The following TPR variants were observed in gnomAD, a reference collection of about 807,000 sequenced individuals.
The protein encoded by TPR is nucleoprotein TPR.
TPR carries 51 observed loss-of-function variants against 316.1 expected under a neutral mutation model. The observed-to-expected ratio is 0.16, with a 90% confidence interval of 0.13 to 0.20. The LOEUF is 0.20. Among genes scored for constraint, TPR ranks in the 10% least tolerant of loss-of-function variants. The pLI, the probability that TPR is intolerant of heterozygous loss-of-function variation, is 1.00. For missense variants in TPR, 2,272 were observed against 2,754.8 expected (o/e 0.82, Z 3.92); for synonymous variants, 981 against 914.7 (o/e 1.07, Z -1.31).
chr1:186,344,276 GGGTGA>G, intron 25 of TPR, 94 bp downstream of exon 25: 1 of 1,445,312 alleles, frequency 6.9e-7, no homozygotes, highest in Non-Finnish European at 9.4e-7. Context: ...ACTCCAGCAT[GGGTGA>G]CAGAGCGAGG....
At chr1:186,331,681 A>G (rs1658171306) in intron 38 of TPR, 100 bp from the exon 39 acceptor site, 3 of 661,630 alleles carry the variant, frequency 4.5e-6, no homozygotes, top group East Asian at 3.2e-5. Context: ...CTTCAAATCT[A>G]TATTTTATGA....
At chr1:186,344,251 A>C in intron 25 of TPR, 124 bp downstream of exon 25, 2 of 1,352,814 alleles carry the variant, frequency 1.5e-6, no homozygotes, top group Middle Eastern at 1.9e-4. Context: ...AGTGACCCCA[A>C]TATCACGCCA....
chr1:186,365,224 T>C (rs551722631), intron 4 of TPR, among the ~76,000 whole-genome samples: 2 of 151,518 alleles, frequency 1.3e-5, no homozygotes, highest in Non-Finnish European at 2.9e-5. Context: ...GCCTCCTGAG[T>C]AGCTGGGATT....
chr1:186,352,191 C>G, intron 18 of TPR, 81 bp from the exon 19 acceptor site: 1 of 1,323,756 alleles, frequency 7.6e-7, no homozygotes, highest in Non-Finnish European at 1.0e-6. Flanking sequence ...TAAAATGATT[C>G]ATACATCACT....
At chr1:186,338,601 G>A (rs2102070113) in intron 30 of TPR, among the ~76,000 whole-genome samples, 1 of 152,260 alleles carries the variant, frequency 6.6e-6, no homozygotes, top group Middle Eastern at 3.4e-3. Context: ...AATTTTTTCT[G>A]TAAAAGGGCC....
At chr1:186,324,841 C>T (rs1485474785) in intron 42 of TPR, among the ~76,000 whole-genome samples, 2 of 151,794 alleles carry the variant, frequency 1.3e-5, no homozygotes, top group African/African-American at 4.8e-5. Flanking sequence ...GGGAGGGAGA[C>T]CTAGAGGAGC....
At chr1:186,353,271 T>G (rs983860238) in intron 18 of TPR, among the ~76,000 whole-genome samples, 1 of 151,750 alleles carries the variant, frequency 6.6e-6, no homozygotes. Flanking sequence ...ACTCAGGAGG[T>G]TGAGGCAGGA....
intron 17 of TPR, among the ~76,000 whole-genome samples, chr1:186,354,884 T>A (rs1288296824): frequency 6.7e-6 from 1 of 148,288 alleles, no homozygotes; most frequent in Non-Finnish European, 1.5e-5. Context: ...ATTCCTCACA[T>A]GAACTTCAAC....
In TPR at chr1:186,311,753, C is replaced by A; in HGVS notation, c.*2218G>T. 1 of 767,746 alleles carries A rather than the reference C, an allele frequency of 1.3e-6. No individual in the cohort carries two copies. The highest frequency in any genetic ancestry group is 2.1e-6 in the Non-Finnish European group (1 of 486,574). The allele number at this position is 767,746 out of a possible 1,614,324, so 47.6% of individuals were successfully genotyped here. ...AATATTGAGGGTAGTATTCTTATTG[C>A]CCTCAATTTTTATTTTCATTTCTTC... On this transcript the variant is annotated 3_prime_UTR_variant, in exon 51 of 51. Transcript: ENST00000367478.
At position 186,335,089 on chromosome 1, in the gene TPR, G is replaced by T. The variant is rs551189163; in HGVS notation, c.4952C>A (p.Pro1651Gln). The T allele has an allele frequency of 6.2e-7, 1 of 1,612,744 alleles. No individual in the cohort carries two copies. ...QQRQITLKTTPASGERGIAST... is the reference protein window; with the variant it reads ...QQRQITLKTTQASGERGIAST... ...TCACATTCCTCTTTCACCAGAAGCT[G>T]GAGTTGTTTTCAATGTGATCTGTCT... Residue 1651 changes from proline to glutamine, a missense_variant, in exon 35 of 51, where the codon CCA becomes CAA. By Grantham distance (76) the Pro-to-Gln change is moderately conservative. Coordinates refer to ENST00000367478, the MANE Select transcript of TPR (RefSeq NM_003292.3).
At position 186,362,231 on chromosome 1, in the gene TPR, C is replaced by G. The variant is rs946447799; in HGVS notation, c.789+57G>C. ...AAAATGACATCATTTTGTGAAATAA[C>G]AGCTTCGTAAGTGCTTTAGTATTTT... On this transcript the variant is annotated intron_variant, in intron 7 of 50. Transcript: ENST00000367478. 7.1e-6 allele frequency: 10 copies of G among 1,406,304 alleles called. No homozygotes were observed. In the African/African-American group the frequency reaches 1.4e-4, roughly 20 times the overall value. The allele number at this position is 1,406,304 out of a possible 1,614,324, so 87.1% of individuals were successfully genotyped here. A position where few individuals can be genotyped will look rare whatever the true frequency, so the allele number is the denominator to read the frequency against.
chr1:186,365,220 T>C (rs543505244), intron 4 of TPR, among the ~76,000 whole-genome samples: 3 of 151,306 alleles, frequency 2.0e-5, no homozygotes, highest in Admixed American at 1.3e-4. Context: ...CTCAGCCTCC[T>C]GAGTAGCTGG....
At position 186,312,517 on chromosome 1, in the gene TPR, T is replaced by A. The variant is rs981423565; in HGVS notation, c.*1454A>T. The A allele has an allele frequency of 2.3e-6, 2 of 877,022 alleles. No individual in the cohort carries two copies. The highest frequency in any genetic ancestry group is 1.7e-6 in the Non-Finnish European group (1 of 581,356). 54.3% of individuals were successfully genotyped at this position (877,022 alleles called of 1,614,324 possible). A position where few individuals can be genotyped will look rare whatever the true frequency, so the allele number is the denominator to read the frequency against. On this transcript the variant is annotated 3_prime_UTR_variant, in exon 51 of 51. Coordinates refer to ENST00000367478, the MANE Select transcript of TPR (RefSeq NM_003292.3). The stretch of plus-strand genomic sequence containing the variant: ...CTGATGAAAAACTCATCCACTTGCC[T>A]TAGTGAATAACCAAAGACCAATACT...
In TPR at chr1:186,313,633, G is replaced by C. The variant is rs1657445101; in HGVS notation, c.*338C>G. 8 of 1,071,236 alleles carry C rather than the reference G, an allele frequency of 7.5e-6. No individual in the cohort carries two copies. Among genetic ancestry groups the C allele is most frequent in the East Asian group, 2.4e-5 (1 of 42,360 alleles). 66.4% of individuals were successfully genotyped at this position (1,071,236 alleles called of 1,614,324 possible). On this transcript the variant is annotated 3_prime_UTR_variant, in exon 51 of 51. Coordinates refer to ENST00000367478, the MANE Select transcript of TPR (RefSeq NM_003292.3). ...GTCAACATAAGTTATTTTTTAGTTT[G>C]GGCATTGTTTTCTTTTTAACTAAAA...
rs2102060418 is a variant in TPR at position 186,327,753 on chromosome 1, T to C, written c.5689-93A>G. On this transcript the variant is annotated intron_variant, in intron 39 of 50. Coordinates refer to ENST00000367478, the MANE Select transcript of TPR (RefSeq NM_003292.3). Reference sequence around the variant, plus strand: ...TATTATTATAGGTCAAAGTAAAGAATAATGAGTACTTATGGACTAGCAGCA... The same window carrying C: ...TATTATTATAGGTCAAAGTAAAGAACAATGAGTACTTATGGACTAGCAGCA... 3.7e-6 allele frequency: 4 copies of C among 1,083,208 alleles called. No homozygotes were observed. The South Asian group carries it at 4.4e-5, about 12-fold the overall frequency. 67.1% of individuals were successfully genotyped at this position (1,083,208 alleles called of 1,614,324 possible).
intron 50 of TPR, 84 bp downstream of exon 50, chr1:186,314,545 T>C: frequency 1.9e-6 from 2 of 1,039,282 alleles, no homozygotes; most frequent in East Asian, 2.6e-5. Context: ...AAAAAATAAA[T>C]TGGAGGCTTA....
intron 26 of TPR, 133 bp from the exon 27 acceptor site, chr1:186,343,606 T>TGAA: frequency 1.2e-6 from 1 of 828,606 alleles, no homozygotes; most frequent in Non-Finnish European, 1.8e-6. Context: ...TAATAAATAA[T>TGAA]AATGGGAGAT....
At chr1:186,332,977 G>T in intron 37 of TPR, 145 bp downstream of exon 37, 2 of 912,804 alleles carry the variant, frequency 2.2e-6, no homozygotes, top group Non-Finnish European at 1.6e-6. Flanking sequence ...CTTGTGATAC[G>T]TATTATATCC....
chr1:186,349,675 A>T lies in TPR; in HGVS notation c.2776+548T>A, dbSNP rs988621238. 6.7e-3 allele frequency among the ~76,000 whole-genome samples: 1,017 copies of T among 151,086 alleles called. 11 individuals carry two copies. The highest frequency in any genetic ancestry group is 0.022 in the African/African-American group (914 of 41,274). On this transcript the variant is annotated intron_variant, in intron 21 of 50. Transcript: ENST00000367478. Reference sequence around the variant, plus strand: ...ACTCTCTCTCAAAAAAAAAAAAAAAAATAAATAAATAAATAAAACCATATA... The same window carrying T: ...ACTCTCTCTCAAAAAAAAAAAAAAATATAAATAAATAAATAAAACCATATA...
Sources: gnomAD v4.1 joint callset for allele counts (sites outside exome capture counted in the v4.1 genomes callset) on GRCh38, gnomAD v4.1.1 for gene constraint, MANE v1.5 for transcripts, NCBI Gene and HGNC (gene_info 2026-07-23, HGNC 2026-07-21) for gene names.